Variants in TMX3 observed in about 807,000 individuals in gnomAD.
TMX3 encodes the protein protein disulfide-isomerase TMX3.
Under a neutral mutation model 64.4 loss-of-function variants are expected in TMX3, and 40 were observed. The ratio of observed to expected loss-of-function variants is 0.62; its 90% confidence interval spans 0.48 to 0.81. The LOEUF (loss-of-function observed/expected upper bound fraction) is 0.81. TMX3 is among the 30% of genes least tolerant of loss of function. The probability of loss-of-function intolerance (pLI) is 0.00; values close to 1 mark genes in which losing one functional copy is unlikely to be tolerated. For synonymous variants in TMX3, 189 were observed against 175.7 expected (o/e 1.08, Z -0.60); for missense variants, 497 against 534.5 (o/e 0.93, Z 0.69).
intron 14 of TMX3, 39 bp downstream of exon 14, chr18:68,680,942 C>A: frequency 6.6e-7 from 1 of 1,525,730 alleles, no homozygotes; most frequent in South Asian, 1.4e-5. Flanking sequence ...CCTCTACCCC[C>A]TGTCCATCAT....
chr18:68,684,586 G>A, intron 10 of TMX3, 101 bp from the exon 11 acceptor site: 2 of 953,968 alleles, frequency 2.1e-6, no homozygotes, highest in South Asian at 2.9e-5. Flanking sequence ...AGTATTTCTA[G>A]AATTTAATTC....
chr18:68,708,001 ATATATGTG>A (rs1370870755), intron 4 of TMX3, among the ~76,000 whole-genome samples: 2 of 147,146 alleles, frequency 1.4e-5, no homozygotes, highest in African/African-American at 2.7e-5. Flanking sequence ...ATATGTGTAT[ATATATGTG>A]TATATGTGTA....
At chr18:68,709,413 T>C (rs73967591) in intron 4 of TMX3, among the ~76,000 whole-genome samples, 14,639 of 152,162 alleles carry the variant, frequency 0.096, 2,034 homozygotes, top group African/African-American at 0.31. Context: ...AATTCTGCCA[T>C]GGAGGCACAG....
At chr18:68,682,879 A>G (rs371761283) in intron 13 of TMX3, 46 bp downstream of exon 13, 5 of 1,547,348 alleles carry the variant, frequency 3.2e-6, no homozygotes, top group Non-Finnish European at 4.4e-6. Flanking sequence ...AAACAAATTT[A>G]AAAATTAATA....
In TMX3 at chr18:68,694,502, C is replaced by T. The variant is rs371525325; in HGVS notation, c.570+2724G>A. Among the ~76,000 whole-genome samples, 8 of 152,306 alleles carry T rather than the reference C, an allele frequency of 5.3e-5. No homozygotes were observed. The East Asian group carries it at 1.4e-3, about 26-fold the overall frequency. On this transcript the variant is annotated intron_variant, in intron 8 of 15. Transcript: ENST00000299608. ...TCCACGCTTGTTCACTCACATATCC[C>T]TTGCTGCTCCATGCCTCGCTCGTCC... is the stretch of plus-strand genomic sequence containing the variant.
intron 8 of TMX3, among the ~76,000 whole-genome samples, chr18:68,693,148 A>G (rs1033451101): frequency 1.3e-5 from 2 of 152,276 alleles, no homozygotes; most frequent in African/African-American, 4.8e-5. Flanking sequence ...GAATGCTGTC[A>G]GAGACTCTGA....
intron 10 of TMX3, 73 bp downstream of exon 10, chr18:68,687,594 T>C: frequency 6.5e-7 from 1 of 1,538,278 alleles, no homozygotes; most frequent in Non-Finnish European, 8.7e-7. Context: ...ATTCATTTCC[T>C]ACAAAATAAG....
In TMX3 at chr18:68,710,101, A is replaced by G; in HGVS notation, c.185T>C (p.Ile62Thr). The G allele has an allele frequency of 6.2e-7, 1 of 1,602,354 alleles. No individual in the cohort carries two copies. Residue 62 changes from isoleucine to threonine, a missense_variant, in exon 4 of 16, where the codon ATT (isoleucine) becomes ACT (threonine). Coordinates refer to ENST00000299608, the MANE Select transcript of TMX3 (RefSeq NM_019022.5). ...CATCTCAAGACCAACTTCATTCCAA[A>G]TTGGTTCCAGCTTTTTACAATGGCC... The part of the protein sequence containing the change: ...WCGHCKKLEP[I>T]WNEVGLEMKS...
chr18:68,700,943 A>T, intron 5 of TMX3: 1 of 985,080 alleles, frequency 1.0e-6, no homozygotes, highest in Non-Finnish European at 1.2e-6. Context: ...CGATGCATTA[A>T]AAACAGCTCT....
chr18:68,678,115 G>A (rs894242048), intron 15 of TMX3, among the ~76,000 whole-genome samples: 5 of 152,114 alleles, frequency 3.3e-5, no homozygotes, highest in African/African-American at 1.2e-4. Flanking sequence ...GAAACCAGGT[G>A]AAAGAGACCA....
chr18:68,675,097 G>C lies in TMX3; in HGVS notation c.*1836C>G, dbSNP rs892975294. 6.6e-6 allele frequency: 1 copy of C among 152,068 alleles called. No homozygotes were observed. The highest frequency in any genetic ancestry group is 1.5e-5 in the Non-Finnish European group (1 of 67,986). 9.4% of individuals were successfully genotyped at this position (152,068 alleles called of 1,614,324 possible). ...TAACTATTTCCCCATGTCACTGACT[G>C]CTAAGTTTTCACTTCCTTACTAGGC... On this transcript the variant is annotated 3_prime_UTR_variant, in exon 16 of 16. Coordinates refer to ENST00000299608, the MANE Select transcript of TMX3 (RefSeq NM_019022.5).
Position 68,676,659 on chromosome 18 carries a change from TAGAG to T in TMX3, c.*270_*273del. On this transcript the variant is annotated 3_prime_UTR_variant, in exon 16 of 16. Coordinates refer to ENST00000299608, the MANE Select transcript of TMX3 (RefSeq NM_019022.5). Reference sequence around the variant, plus strand: ...AACTTTTTGTCACAGAATATTCAGATAGAGAAACATGCAAATAGAATTGTTCTGT... The same window carrying T: ...AACTTTTTGTCACAGAATATTCAGATAAACATGCAAATAGAATTGTTCTGT... The T allele has an allele frequency of 2.7e-6, 1 of 369,020 alleles. No homozygotes were observed. The highest frequency in any genetic ancestry group is 4.3e-5 in the Admixed American group (1 of 23,152). The allele number at this position is 369,020 out of a possible 1,614,324, so 22.9% of individuals were successfully genotyped here.
chr18:68,684,207 G>A lies in TMX3; in HGVS notation c.831C>T (p.Tyr277=). The change falls in exon 12 of 16, where the codon TAC becomes TAT. Residue 277 remains tyrosine, a synonymous_variant. Coordinates refer to ENST00000299608, the MANE Select transcript of TMX3 (RefSeq NM_019022.5). Reference sequence around the variant, plus strand: ...GCACCTACCTATGGAAGAGGTCTCTGTAATCTCTTGCAACTTCCTGAATAA... The same window carrying A: ...GCACCTACCTATGGAAGAGGTCTCTATAATCTCTTGCAACTTCCTGAATAA... The part of the protein sequence containing the change: ...KSIIQEVARD[Y]RDLFHRDFQF... 2 of 1,611,586 alleles carry A rather than the reference G, an allele frequency of 1.2e-6. No individual in the cohort carries two copies. The highest frequency in any genetic ancestry group is 2.2e-5 in the South Asian group (2 of 90,874).
Position 68,698,023 on chromosome 18 carries a change from A to T in TMX3, c.401T>A (p.Ile134Asn), listed in dbSNP as rs755180305. 14 of 1,610,516 alleles carry T rather than the reference A, an allele frequency of 8.7e-6. 1 individual carries two copies. Among genetic ancestry groups the T allele is most frequent in the Middle Eastern group, 1.7e-4 (1 of 6,048 alleles). Residue 134 changes from isoleucine (I) to asparagine (N), a missense_variant, in exon 7 of 16, where the codon ATT becomes AAT. By Grantham distance (149) the Ile-to-Asn change is moderately radical (BLOSUM62 -3). Coordinates refer to ENST00000299608, the MANE Select transcript of TMX3 (RefSeq NM_019022.5). ...EFAHRVSGALIRPLPSQQMFE... is the reference protein window; with the variant it reads ...EFAHRVSGALNRPLPSQQMFE... Reference sequence around the variant, plus strand: ...CATTTGTTGACTTGGAAGTGGCCGAATTAGAGCCCTGTTGCACAACAAAAC... The same window carrying T: ...CATTTGTTGACTTGGAAGTGGCCGATTTAGAGCCCTGTTGCACAACAAAAC...
At chr18:68,681,917 T>A (rs900039642) in intron 13 of TMX3, among the ~76,000 whole-genome samples, 3 of 152,180 alleles carry the variant, frequency 2.0e-5, no homozygotes, top group African/African-American at 7.2e-5. Flanking sequence ...TCATACTTGC[T>A]ATTATGTTCT....
At chr18:68,692,675 A>G (rs1337011884) in intron 8 of TMX3, among the ~76,000 whole-genome samples, 1 of 152,178 alleles carries the variant, frequency 6.6e-6, no homozygotes. Flanking sequence ...TATTTCCCCT[A>G]GCAGACTTTT....
chr18:68,697,918 A>C lies in TMX3; in HGVS notation c.492+14T>G, dbSNP rs772076026. The stretch of plus-strand genomic sequence containing the variant: ...ACAATACATCTGTTTTTGTGGATTA[A>C]AAAAAAGTCTTACTTTCAAAGGTGA... On this transcript the variant is annotated intron_variant, in intron 7 of 15. Transcript: ENST00000299608. The C allele has an allele frequency of 9.6e-6, 15 of 1,559,532 alleles. No homozygotes were observed. Among genetic ancestry groups the C allele is most frequent in the African/African-American group, 2.7e-5 (2 of 73,646 alleles).
chr18:68,705,841 C>G (rs78960357), intron 4 of TMX3, among the ~76,000 whole-genome samples: 1,681 of 152,260 alleles, frequency 0.011, 37 homozygotes, highest in African/African-American at 0.038. Context: ...TTCTCTAGTT[C>G]AAAAATTCTG....
At chr18:68,689,837 C>G (rs1599309713) in intron 9 of TMX3, 1 of 152,304 alleles carries the variant, frequency 6.6e-6, no homozygotes, top group South Asian at 2.1e-4. Context: ...CCTTATCTAA[C>G]ATTCTTAGCT....
Sources: allele counts gnomAD v4.1 joint callset (sites outside exome capture counted in the v4.1 genomes callset), GRCh38; gene constraint gnomAD v4.1.1; transcripts MANE v1.5; gene names NCBI Gene and HGNC (gene_info 2026-07-23, HGNC 2026-07-21).